The following FOXJ3 variants were observed in gnomAD, a reference collection of about 807,000 sequenced individuals.
FOXJ3 encodes forkhead box J3.
In FOXJ3, 22 loss-of-function variants were observed where a neutral mutation model predicts 76.1. That is an observed-to-expected ratio of 0.29 (90% CI 0.21 to 0.41). The LOEUF (loss-of-function observed/expected upper bound fraction) is 0.41, where lower values mean the gene tolerates loss of function less well. Ranked by LOEUF, FOXJ3 falls within the 10% of genes least tolerant of loss-of-function variation. The probability of loss-of-function intolerance (pLI) is 1.00; values close to 1 mark genes in which losing one functional copy is unlikely to be tolerated. For synonymous variants in FOXJ3, 269 were observed against 261.2 expected, an observed-to-expected ratio of 1.03 and a Z score of -0.29; for missense variants, 613 against 762.1, an observed-to-expected ratio of 0.80 and a Z score of 2.30.
intron 2 of FOXJ3, among the ~76,000 whole-genome samples, chr1:42,294,314 T>C (rs1043051790): frequency 7.2e-5 from 11 of 152,242 alleles, no homozygotes; most frequent in African/African-American, 2.2e-4. Flanking sequence ...CTGAATGTTG[T>C]ACTATACTTT....
At position 42,296,437 on chromosome 1, in the gene FOXJ3, T is replaced by C. The variant is rs375480826; in HGVS notation, c.44+14613A>G. On this transcript the variant is annotated intron_variant, in intron 2 of 12. Transcript: ENST00000361346. ...AGGACTTTTATAGTTTAAGGTCTTA[T>C]GTTCAAGTCTTTAATCCATCCGTCC... Among the ~76,000 whole-genome samples the C allele has an allele frequency of 3.3e-5, 5 of 152,242 alleles. No individual in the cohort carries two copies. The East Asian group carries it at 9.6e-4, about 29-fold the overall frequency.
At position 42,227,570 on chromosome 1, in the gene FOXJ3, G is replaced by C. The variant is rs181420038; in HGVS notation, c.528+313C>G. Among the ~76,000 whole-genome samples, 8 of 152,300 alleles carry C rather than the reference G, an allele frequency of 5.3e-5. No individual in the cohort carries two copies. The East Asian group carries it at 1.5e-3, about 29-fold the overall frequency. The stretch of plus-strand genomic sequence containing the variant: ...CTCTATAATAGAAGGGAATAGTTGT[G>C]TTACATAAAACTATTCCTAAATGTT... On this transcript the variant is annotated intron_variant, in intron 5 of 12. Coordinates refer to ENST00000361346, the MANE Select transcript of FOXJ3 (RefSeq NM_014947.5).
chr1:42,291,970 C>A (rs1393103099), intron 2 of FOXJ3, among the ~76,000 whole-genome samples: 1 of 151,986 alleles, frequency 6.6e-6, no homozygotes, highest in Non-Finnish European at 1.5e-5. Context: ...AGGACGGGAG[C>A]AGGCTCAGGG....
chr1:42,292,991 C>T (rs4660220), intron 2 of FOXJ3, among the ~76,000 whole-genome samples: 106,970 of 151,842 alleles, frequency 0.7, 38,318 homozygotes, highest in Admixed American at 0.8. Context: ...GTCCCAGCTA[C>T]TCAGGAGGCC....
At chr1:42,206,089 G>A (rs972313939) in intron 5 of FOXJ3, 1 of 441,110 alleles carries the variant, frequency 2.3e-6, no homozygotes, top group African/African-American at 2.0e-5. Flanking sequence ...TTAATTTACT[G>A]CAGGATAGGC....
intron 7 of FOXJ3, among the ~76,000 whole-genome samples, chr1:42,198,545 C>T (rs1027539517): frequency 6.6e-6 from 1 of 152,160 alleles, no homozygotes; most frequent in Admixed American, 6.5e-5. Context: ...TAACAGATAA[C>T]CTAAGACTCA....
At chr1:42,207,274 A>C (rs943569384) in intron 5 of FOXJ3, among the ~76,000 whole-genome samples, 7 of 152,312 alleles carry the variant, frequency 4.6e-5, no homozygotes, top group African/African-American at 1.4e-4. Context: ...CATATGAGTG[A>C]GAATACGCAA....
At chr1:42,248,054 T>C (rs979177805) in intron 4 of FOXJ3, among the ~76,000 whole-genome samples, 1 of 152,294 alleles carries the variant, frequency 6.6e-6, no homozygotes, top group Middle Eastern at 3.4e-3. Context: ...ATGTCCAGAA[T>C]AGGCAAATTC....
At chr1:42,260,347 G>A (rs565519077) in intron 4 of FOXJ3, among the ~76,000 whole-genome samples, 16 of 152,130 alleles carry the variant, frequency 1.1e-4, no homozygotes, top group Admixed American at 1.0e-3. Context: ...CCTTTGAAAA[G>A]AAAGATCAGT....
At chr1:42,194,684 G>C (rs1646616725) in intron 8 of FOXJ3, among the ~76,000 whole-genome samples, 1 of 152,076 alleles carries the variant, frequency 6.6e-6, no homozygotes, top group African/African-American at 2.4e-5. Context: ...CAAGTAAGTA[G>C]GCATGCAACA....
intron 9 of FOXJ3, among the ~76,000 whole-genome samples, chr1:42,190,575 T>C (rs1385257906): frequency 6.6e-6 from 1 of 152,200 alleles, no homozygotes; most frequent in Non-Finnish European, 1.5e-5. Context: ...AAAGGAATTA[T>C]ATGATTTAAG....
chr1:42,213,066 A>G (rs1177850763), intron 5 of FOXJ3, among the ~76,000 whole-genome samples: 1 of 152,144 alleles, frequency 6.6e-6, no homozygotes, highest in East Asian at 1.9e-4. Context: ...CCTGCCTACA[A>G]GAAATGCTAA....
intron 4 of FOXJ3, among the ~76,000 whole-genome samples, chr1:42,239,368 A>G (rs924708336): frequency 3.3e-5 from 5 of 152,210 alleles, no homozygotes; most frequent in African/African-American, 9.6e-5. Context: ...TAGATTTTTC[A>G]TAAATGCGTC....
intron 7 of FOXJ3, among the ~76,000 whole-genome samples, chr1:42,197,339 T>TA (rs1190449218): frequency 3.3e-5 from 5 of 151,348 alleles, no homozygotes; most frequent in Admixed American, 2.6e-4. Flanking sequence ...ATCTTGTGTC[T>TA]AAAAAAAGAG....
chr1:42,197,749 C>A (rs1646680761), intron 7 of FOXJ3, among the ~76,000 whole-genome samples: 1 of 151,684 alleles, frequency 6.6e-6, no homozygotes, highest in South Asian at 2.1e-4. Flanking sequence ...CGTGATTACT[C>A]CTGGGTTCAA....
intron 4 of FOXJ3, 49 bp from the exon 5 acceptor site, chr1:42,228,015 T>C (rs772011878): frequency 7.4e-6 from 7 of 944,432 alleles, no homozygotes; most frequent in East Asian, 5.3e-5. Context: ...AAACCTATGA[T>C]ATTAAAATGG....
At chr1:42,255,998 A>G (rs1335898204) in intron 4 of FOXJ3, among the ~76,000 whole-genome samples, 6 of 152,362 alleles carry the variant, frequency 3.9e-5, no homozygotes, top group East Asian at 3.9e-4. Flanking sequence ...TTCCAGCCTG[A>G]GCAACAGAGC....
At chr1:42,226,729 T>C (rs539235851) in intron 5 of FOXJ3, among the ~76,000 whole-genome samples, 1 of 152,362 alleles carries the variant, frequency 6.6e-6, no homozygotes, top group South Asian at 2.1e-4. Context: ...GAATTCATTT[T>C]ATATATCTTG....
At chr1:42,299,088 C>G (rs988447879) in intron 2 of FOXJ3, among the ~76,000 whole-genome samples, 1 of 152,160 alleles carries the variant, frequency 6.6e-6, no homozygotes, top group Non-Finnish European at 1.5e-5. Flanking sequence ...GGAGAATGTT[C>G]CACGTGCAGA....
Sources: gnomAD v4.1 joint callset for allele counts (sites outside exome capture counted in the v4.1 genomes callset) on GRCh38, gnomAD v4.1.1 for gene constraint, MANE v1.5 for transcripts, NCBI Gene and HGNC (gene_info 2026-07-23, HGNC 2026-07-21) for gene names.